Variants in PLCB1 observed in about 807,000 individuals in gnomAD.
PLCB1 encodes 1-phosphatidylinositol 4,5-bisphosphate phosphodiesterase beta-1.
PLCB1 carries 46 observed loss-of-function variants against 161.8 expected under a neutral mutation model. The observed-to-expected ratio is 0.28, with a 90% CI of 0.22 to 0.36. The LOEUF is 0.36. PLCB1 is among the 10% of genes least tolerant of loss of function. The pLI is 1.00. For synonymous variants in PLCB1, 517 were observed against 503.7 expected, an observed-to-expected ratio of 1.03 and a Z score of -0.35; for missense variants, 1,016 against 1,472.5, an observed-to-expected ratio of 0.69 and a Z score of 5.07.
intron 2 of PLCB1, among the ~76,000 whole-genome samples, chr20:8,212,879 C>T (rs1978907243): frequency 6.6e-6 from 1 of 151,964 alleles, no homozygotes. Flanking sequence ...TTTAAATTTT[C>T]ACCTTCGTTA....
intron 23 of PLCB1, among the ~76,000 whole-genome samples, chr20:8,744,943 G>A (rs191496281): frequency 3.3e-5 from 5 of 152,134 alleles, no homozygotes; most frequent in Admixed American, 1.3e-4. Flanking sequence ...TAGAGTTTTA[G>A]GTCAATCTTA....
At chr20:8,388,967 G>C (rs1987512825) in intron 3 of PLCB1, among the ~76,000 whole-genome samples, 2 of 152,090 alleles carry the variant, frequency 1.3e-5, no homozygotes, top group Non-Finnish European at 2.9e-5. Flanking sequence ...GTTAAGGAAT[G>C]GTTCCCTTGG....
At chr20:8,318,966 C>G (rs1984781778) in intron 2 of PLCB1, among the ~76,000 whole-genome samples, 1 of 152,108 alleles carries the variant, frequency 6.6e-6, no homozygotes, top group African/African-American at 2.4e-5. Context: ...ACCAGCCCTT[C>G]CAACAGCTAA....
chr20:8,139,773 G>A (rs953215987), intron 1 of PLCB1, among the ~76,000 whole-genome samples: 1 of 152,124 alleles, frequency 6.6e-6, no homozygotes, highest in East Asian at 1.9e-4. Flanking sequence ...GTGCTGTGTT[G>A]GATATGGTTG....
At chr20:8,401,610 C>G (rs1369733393) in intron 3 of PLCB1, among the ~76,000 whole-genome samples, 1 of 152,168 alleles carries the variant, frequency 6.6e-6, no homozygotes, top group Non-Finnish European at 1.5e-5. Context: ...CTTGCTCAAA[C>G]CATCTGCTGA....
intron 2 of PLCB1, among the ~76,000 whole-genome samples, chr20:8,242,158 CTGT>C (rs113863015): frequency 6.5e-4 from 99 of 151,994 alleles, no homozygotes; most frequent in African/African-American, 2.3e-3. Flanking sequence ...CTACATGTTT[CTGT>C]TGTTGTTGTT....
intron 31 of PLCB1, among the ~76,000 whole-genome samples, chr20:8,839,203 TC>T (rs1206514914): frequency 1.3e-5 from 2 of 152,180 alleles, no homozygotes; most frequent in Non-Finnish European, 2.9e-5. Context: ...TCAGTGAAAT[TC>T]CTAGGAGTCC....
intron 2 of PLCB1, among the ~76,000 whole-genome samples, chr20:8,309,074 G>A (rs774781813): frequency 1.3e-5 from 2 of 151,916 alleles, no homozygotes; most frequent in Non-Finnish European, 2.9e-5. Flanking sequence ...AACTGTTAGC[G>A]CTGGGAGGAA....
At chr20:8,481,400 A>T (rs944625987) in intron 3 of PLCB1, among the ~76,000 whole-genome samples, 1 of 152,160 alleles carries the variant, frequency 6.6e-6, no homozygotes, top group Non-Finnish European at 1.5e-5. Context: ...GGCTTTTTCT[A>T]GGAATATTGA....
At chr20:8,847,881 G>C (rs1986744938) in intron 31 of PLCB1, among the ~76,000 whole-genome samples, 1 of 152,176 alleles carries the variant, frequency 6.6e-6, no homozygotes, top group Non-Finnish European at 1.5e-5. Flanking sequence ...AAATGCCTGA[G>C]ACTGGCAATT....
intron 19 of PLCB1, 120 bp downstream of exon 19, chr20:8,733,512 A>C: frequency 1.1e-6 from 1 of 889,914 alleles, no homozygotes; most frequent in South Asian, 1.7e-5. Flanking sequence ...CTTTCTTCCT[A>C]CATTTTTTTT....
intron 2 of PLCB1, among the ~76,000 whole-genome samples, chr20:8,356,525 G>A (rs533454242): frequency 6.6e-6 from 1 of 152,102 alleles, no homozygotes; most frequent in South Asian, 2.1e-4. Context: ...AATCTACGCG[G>A]TTTCTCTGAG....
chr20:8,245,074 CAG>C (rs201776524), intron 2 of PLCB1, among the ~76,000 whole-genome samples: 3,528 of 151,744 alleles, frequency 0.023, 143 homozygotes, highest in African/African-American at 0.08. Context: ...TAATTTTAAG[CAG>C]AGTTTTTACT....
intron 2 of PLCB1, among the ~76,000 whole-genome samples, chr20:8,354,396 C>T (rs1195014500): frequency 6.6e-6 from 1 of 152,124 alleles, no homozygotes; most frequent in Non-Finnish European, 1.5e-5. Context: ...GTAAGATTCA[C>T]AGGGCAAAAC....
chr20:8,132,688 C>T lies in PLCB1; in HGVS notation c.37C>T (p.Leu13Phe). Residue 13 changes from leucine (L) to phenylalanine (F), a missense_variant, in exon 1 of 32, where the codon CTC becomes TTC. Coordinates refer to ENST00000338037, the MANE Select transcript of PLCB1 (RefSeq NM_015192.4). The surrounding 1 kb of genome is among the most constrained non-coding windows in gnomAD (Gnocchi z 5.2). ...GAQPGVHALQ[L>F]KPVCVSDSLK... ...TCAACCCGGAGTGCACGCCTTGCAA[C>T]TCAAGCCCGTGTGCGTGTCCGACAG... The T allele has an allele frequency of 6.2e-7, 1 of 1,613,006 alleles. No homozygotes were observed. The highest frequency in any genetic ancestry group is 8.5e-7 in the Non-Finnish European group (1 of 1,179,394).
intron 3 of PLCB1, among the ~76,000 whole-genome samples, chr20:8,547,443 A>G (rs1985594122): frequency 6.6e-6 from 1 of 152,174 alleles, no homozygotes; most frequent in South Asian, 2.1e-4. Context: ...GCATTACAAA[A>G]GCATCACCTC....
chr20:8,691,408 A>G (rs1414658134), intron 10 of PLCB1, among the ~76,000 whole-genome samples: 2 of 152,174 alleles, frequency 1.3e-5, no homozygotes, highest in East Asian at 3.8e-4. Context: ...AGAGTGGTGG[A>G]AAAAAGAAAG....
Position 8,308,715 on chromosome 20 carries a change from T to C in PLCB1, c.178-62667T>C, listed in dbSNP as rs191726586. On this transcript the variant is annotated intron_variant, in intron 2 of 31. Transcript: ENST00000338037. ...TGGAGGCTACATAACTTGTCAGAGA[T>C]CACTAGTAAGTGGAAGAGGTGGGAT... 1.0e-3 allele frequency among the ~76,000 whole-genome samples: 151 copies of C among 151,082 alleles called. 1 individual carries two copies. Among genetic ancestry groups the C allele is most frequent in the Non-Finnish European group, 1.8e-3 (120 of 67,904 alleles).
chr20:8,683,719 G>A (rs1336759385), intron 9 of PLCB1, among the ~76,000 whole-genome samples: 1 of 152,008 alleles, frequency 6.6e-6, no homozygotes, highest in East Asian at 1.9e-4. Flanking sequence ...TAGAATCTGA[G>A]TAAACTAAAT....
Sources: gnomAD v4.1 joint callset for allele counts (sites outside exome capture counted in the v4.1 genomes callset) on GRCh38, gnomAD v4.1.1 for gene constraint, Gnocchi (gnomAD v3.1) non-coding constraint, MANE v1.5 for transcripts, NCBI Gene and HGNC (gene_info 2026-07-23, HGNC 2026-07-21) for gene names.